Variants in DISC1 observed in about 807,000 individuals in gnomAD.
DISC1 encodes the protein DISC1 scaffold protein.
DISC1 carries 57 observed loss-of-function variants against 84.5 expected under a neutral mutation model. The observed-to-expected ratio is 0.67, with a 90% CI of 0.55 to 0.84. The LOEUF is 0.84. Among genes scored for constraint, DISC1 ranks in the 40% least tolerant of loss-of-function variants. DISC1 has a pLI of 0.00. For synonymous variants in DISC1, 411 were observed against 415.2 expected (o/e 0.99, Z 0.12); for missense variants, 1,000 against 1,057.8 (o/e 0.95, Z 0.76).
intron 9 of DISC1, among the ~76,000 whole-genome samples, chr1:231,839,152 G>T (rs1558634739): frequency 6.6e-6 from 1 of 152,198 alleles, no homozygotes; most frequent in Non-Finnish European, 1.5e-5. Context: ...GGCAGAAATA[G>T]TGTTGTTTTA....
intron 9 of DISC1, among the ~76,000 whole-genome samples, chr1:231,849,723 G>A (rs1422071435): frequency 6.6e-6 from 1 of 152,156 alleles, no homozygotes; most frequent in Admixed American, 6.5e-5. Flanking sequence ...ACAAGCTCGT[G>A]AAAGAGTCGG....
chr1:231,632,254 A>G (rs2058775145), intron 1 of DISC1, among the ~76,000 whole-genome samples: 1 of 152,222 alleles, frequency 6.6e-6, no homozygotes, highest in South Asian at 2.1e-4. Flanking sequence ...GTCCCTGTCA[A>G]TAAGTGATGC....
At chr1:231,716,383 A>T (rs2125063105) in intron 3 of DISC1, among the ~76,000 whole-genome samples, 1 of 151,770 alleles carries the variant, frequency 6.6e-6, no homozygotes, top group East Asian at 1.9e-4. Context: ...CATGCAAATT[A>T]TAAAGAAGCA....
rs2065332410 is a variant in DISC1 at position 231,693,840 on chromosome 1, T to G, written c.82T>G (p.Leu28Val). Residue 28 changes from leucine to valine, a missense_variant, in exon 2 of 13, where the codon TTA (leucine) becomes GTA (valine). Around this residue, in one of 3 missense-constraint regions of DISC1, gnomAD observed 292 missense variants for 280.2 expected, o/e 1.04. Coordinates refer to ENST00000439617, the MANE Select transcript of DISC1 (RefSeq NM_018662.3). ...TTTCTTCCCAGGCAGCCGGGATTGC[T>G]TACCACCTGCAGCGTGCTTTCGGAG... ...VSHRAGSRDC[L>V]PPAACFRRRR... is the part of the protein sequence containing the mutation. 3.7e-6 allele frequency: 6 copies of G among 1,613,590 alleles called. No individual in the cohort carries two copies. In the South Asian group the frequency reaches 4.4e-5, roughly 12 times the overall value.
At chr1:231,821,536 A>T (rs2125777296) in intron 9 of DISC1, among the ~76,000 whole-genome samples, 1 of 152,320 alleles carries the variant, frequency 6.6e-6, no homozygotes, top group South Asian at 2.1e-4. Flanking sequence ...ACACATTTGA[A>T]TTCGGAGCAA....
Position 232,040,580 on chromosome 1 carries a change from ACAGT to A in DISC1, c.*3753_*3756del, listed in dbSNP as rs1261422575. ...AAAATGTGAAGTAATAGTGAACCTAACAGTCAGAGACAGGCAGCATGCTCTTAAC... is the reference window on the plus strand; with the variant it reads ...AAAATGTGAAGTAATAGTGAACCTAACAGAGACAGGCAGCATGCTCTTAAC... On this transcript the variant is annotated 3_prime_UTR_variant, in exon 13 of 13. Coordinates refer to ENST00000439617, the MANE Select transcript of DISC1 (RefSeq NM_018662.3). 1.3e-5 allele frequency: 2 copies of A among 152,186 alleles called. No individual in the cohort carries two copies. Among genetic ancestry groups the A allele is most frequent in the Admixed American group, 1.3e-4 (2 of 15,286 alleles). 9.4% of individuals were successfully genotyped at this position (152,186 alleles called of 1,614,324 possible).
At chr1:231,627,013 C>T in intron 1 of DISC1, 79 bp downstream of exon 1, 1 of 1,038,896 alleles carries the variant, frequency 9.6e-7, no homozygotes, top group Non-Finnish European at 1.3e-6. Context: ...CCCAGGAAGT[C>T]GCGTAGGTCA....
chr1:231,664,025 T>A (rs1430297518), intron 1 of DISC1, among the ~76,000 whole-genome samples: 1 of 141,904 alleles, frequency 7.0e-6, no homozygotes, highest in East Asian at 2.0e-4. Context: ...TATCTATCTA[T>A]CTATCCATCT....
chr1:231,773,103 C>T (rs1233475760), intron 6 of DISC1, among the ~76,000 whole-genome samples: 1 of 152,260 alleles, frequency 6.6e-6, no homozygotes, highest in South Asian at 2.1e-4. Context: ...TAGTAAGAGA[C>T]CATCTTGTGT....
intron 3 of DISC1, among the ~76,000 whole-genome samples, chr1:231,717,517 G>A (rs1325162953): frequency 6.6e-6 from 1 of 152,188 alleles, no homozygotes; most frequent in Non-Finnish European, 1.5e-5. Context: ...TAGGCGTGGG[G>A]TCCTGCATTG....
rs144585290 is a variant in DISC1, at chr1:231,702,529, A to AG, written c.1117+510dup. ...TTTGAGAAATGTCAGACTGTGCCAA[A>AG]GGGGGTCACATGCATCAAATTTCCA... is the stretch of plus-strand genomic sequence containing the variant. On this transcript the variant is annotated intron_variant, in intron 3 of 12. Transcript: ENST00000439617. 3,731 of 986,212 alleles carry AG rather than the reference A, an allele frequency of 3.8e-3. 122 individuals are homozygous for AG. The African/African-American group carries it at 0.061, about 16-fold the overall frequency. 61.1% of individuals were successfully genotyped at this position (986,212 alleles called of 1,614,324 possible).
rs534120499 is a variant in DISC1 at position 231,719,619 on chromosome 1, G to T, written c.1117+17595G>T. On this transcript the variant is annotated intron_variant, in intron 3 of 12. Transcript: ENST00000439617. ...ATGAGATGGTGCATGCTAAATATTT[G>T]GGTTATGTATCATTCAGAATGAATG... 2.0e-5 allele frequency among the ~76,000 whole-genome samples: 3 copies of T among 152,272 alleles called. No individual in the cohort carries two copies. The South Asian group carries it at 6.2e-4, about 32-fold the overall frequency.
rs1479371269 is a variant in DISC1 at position 232,039,681 on chromosome 1, C to T, written c.*2850C>T. 6.6e-6 allele frequency: 1 copy of T among 152,118 alleles called. No individual in the cohort carries two copies. Among genetic ancestry groups the T allele is most frequent in the East Asian group, 1.9e-4 (1 of 5,180 alleles). The allele number at this position is 152,118 out of a possible 1,614,324, so 9.4% of individuals were successfully genotyped here. On this transcript the variant is annotated 3_prime_UTR_variant, in exon 13 of 13. Coordinates refer to ENST00000439617, the MANE Select transcript of DISC1 (RefSeq NM_018662.3). ...ACAGGACTGTGTATCCTCAATCATA[C>T]TATACAGCAGTTTTTGTCAGGGGAA...
At chr1:231,749,106 A>C (rs997605038) in intron 3 of DISC1, among the ~76,000 whole-genome samples, 12 of 152,216 alleles carry the variant, frequency 7.9e-5, no homozygotes, top group African/African-American at 2.4e-4. Flanking sequence ...GAGTGCCTGC[A>C]TGCTGCCTTT....
At chr1:231,784,950 T>C (rs1466885520) in intron 6 of DISC1, among the ~76,000 whole-genome samples, 1 of 152,204 alleles carries the variant, frequency 6.6e-6, no homozygotes, top group South Asian at 2.1e-4. Flanking sequence ...TTCTGATGAA[T>C]TTATGTACCC....
intron 1 of DISC1, among the ~76,000 whole-genome samples, chr1:231,646,940 T>C (rs1049507238): frequency 1.3e-5 from 2 of 152,230 alleles, no homozygotes; most frequent in African/African-American, 4.8e-5. Context: ...TTTGTTTAAG[T>C]TCTTTGTAGA....
chr1:231,745,928 A>G (rs561782809), intron 3 of DISC1, among the ~76,000 whole-genome samples: 10 of 152,242 alleles, frequency 6.6e-5, no homozygotes, highest in Admixed American at 6.5e-4. Context: ...GTTAGTTCAC[A>G]TGAGAGCTGG....
At chr1:231,836,022 T>C (rs1486732825) in intron 9 of DISC1, among the ~76,000 whole-genome samples, 1 of 152,222 alleles carries the variant, frequency 6.6e-6, no homozygotes, top group South Asian at 2.1e-4. Flanking sequence ...GAGACCTTAA[T>C]AAACCAGTTT....
chr1:232,002,595 GCACACACACACACACACACACA>G (rs55740228), intron 10 of DISC1, among the ~76,000 whole-genome samples: 101 of 143,738 alleles, frequency 7.0e-4, no homozygotes, highest in Non-Finnish European at 1.2e-3. Context: ...ATTATGCTGA[GCACACACACACACACACACACA>G]CACACACACA....
Sources: allele counts gnomAD v4.1 joint callset (sites outside exome capture counted in the v4.1 genomes callset), GRCh38; gene constraint gnomAD v4.1.1; regional missense constraint gnomAD v4.1.1; transcripts MANE v1.5; gene names NCBI Gene and HGNC (gene_info 2026-07-23, HGNC 2026-07-21).